DTNB: variants seen among roughly 807,000 people sequenced by gnomAD.
DTNB encodes DTN-B.
Under a neutral mutation model 90.7 loss-of-function variants are expected in DTNB, and 63 were observed. The observed-to-expected ratio is 0.69, with a 90% CI of 0.57 to 0.86. DTNB has a LOEUF of 0.86. Among genes scored for constraint, DTNB ranks in the 40% least tolerant of loss-of-function variants. DTNB has a pLI of 0.00. For missense variants in DTNB, 744 were observed against 807.1 expected, an observed-to-expected ratio of 0.92 and a Z score of 0.95; for synonymous variants, 277 against 286.7, an observed-to-expected ratio of 0.97 and a Z score of 0.34.
chr2:25,522,098 A>G (rs2076242460), intron 9 of DTNB, among the ~76,000 whole-genome samples: 1 of 152,274 alleles, frequency 6.6e-6, no homozygotes, highest in Non-Finnish European at 1.5e-5. Flanking sequence ...ATCCAGAGGT[A>G]GACGTGGTAT....
intron 9 of DTNB, among the ~76,000 whole-genome samples, chr2:25,511,622 G>A (rs558345521): frequency 1.2e-4 from 18 of 152,282 alleles, no homozygotes; most frequent in East Asian, 5.8e-4. Context: ...GTGAGCCACC[G>A]CGCCCAATCG....
At chr2:25,545,779 G>A (rs2082289792) in intron 8 of DTNB, among the ~76,000 whole-genome samples, 1 of 152,134 alleles carries the variant, frequency 6.6e-6, no homozygotes, top group Non-Finnish European at 1.5e-5. Flanking sequence ...GTGCCACCAT[G>A]CCTGGCTAAT....
intron 12 of DTNB, among the ~76,000 whole-genome samples, chr2:25,447,499 C>CTTTTTTTTTTTTTTTTTTTTTTTTTTTTT (rs34508984): frequency 8.6e-6 from 1 of 116,028 alleles, no homozygotes; most frequent in Non-Finnish European, 1.8e-5. Context: ...AGCTAGTTAT[C>CTTTTTTTTTTTTTTTTTTTTTTTTTTTTT]TTTTTTTTTT....
intron 8 of DTNB, among the ~76,000 whole-genome samples, chr2:25,565,696 AGTCTGTTAACAAG>A (rs777455687): frequency 2.6e-4 from 40 of 151,874 alleles, no homozygotes; most frequent in Non-Finnish European, 5.0e-4. Context: ...TTCATCCTTT[AGTCTGTTAACAAG>A]GTATATTATA....
chr2:25,508,112 T>C (rs2072946572), intron 9 of DTNB, among the ~76,000 whole-genome samples: 1 of 152,190 alleles, frequency 6.6e-6, no homozygotes, highest in Non-Finnish European at 1.5e-5. Context: ...TAGCACTTAT[T>C]ACCTTCTAAT....
At chr2:25,404,957 CAA>C (rs1047182400) in intron 16 of DTNB, among the ~76,000 whole-genome samples, 5 of 152,076 alleles carry the variant, frequency 3.3e-5, no homozygotes, top group African/African-American at 1.2e-4. Context: ...TTTTTTGAGA[CAA>C]GAGTTTTGCT....
At chr2:25,633,548 C>G (rs1366770471) in intron 3 of DTNB, among the ~76,000 whole-genome samples, 1 of 152,080 alleles carries the variant, frequency 6.6e-6, no homozygotes, top group Non-Finnish European at 1.5e-5. Flanking sequence ...CCTTGGCCCC[C>G]CAAAGTGCCA....
At chr2:25,530,945 T>A (rs1363381422) in intron 9 of DTNB, among the ~76,000 whole-genome samples, 3 of 152,248 alleles carry the variant, frequency 2.0e-5, no homozygotes, top group African/African-American at 7.2e-5. Context: ...ATTGTTCTCC[T>A]CTAGCTTTGC....
chr2:25,398,030 A>G (rs544899811), intron 16 of DTNB, among the ~76,000 whole-genome samples: 1 of 152,336 alleles, frequency 6.6e-6, no homozygotes, highest in African/African-American at 2.4e-5. Flanking sequence ...TGAGGACCGC[A>G]CATCAGAGTC....
At chr2:25,578,360 T>C (rs2061031832) in intron 7 of DTNB, among the ~76,000 whole-genome samples, 1 of 152,236 alleles carries the variant, frequency 6.6e-6, no homozygotes, top group African/African-American at 2.4e-5. Flanking sequence ...AAATTAACTA[T>C]ACAACCTAGT....
intron 9 of DTNB, among the ~76,000 whole-genome samples, chr2:25,493,126 T>C (rs760484674): frequency 2.0e-5 from 3 of 152,216 alleles, no homozygotes; most frequent in East Asian, 1.9e-4. Flanking sequence ...AGCCATGCAT[T>C]TGGGAATCTT....
intron 9 of DTNB, among the ~76,000 whole-genome samples, chr2:25,504,453 A>G (rs551055028): frequency 1.8e-4 from 27 of 149,632 alleles, no homozygotes; most frequent in African/African-American, 6.4e-4. Context: ...AGAAGGAAAG[A>G]AAGGAAGGAA....
chr2:25,390,829 C>A (rs1326247790), intron 16 of DTNB, among the ~76,000 whole-genome samples: 1 of 151,376 alleles, frequency 6.6e-6, no homozygotes, highest in East Asian at 1.9e-4. Flanking sequence ...AACATAGGAG[C>A]TGAAATTATA....
At chr2:25,548,055 T>C (rs2082811391) in intron 8 of DTNB, among the ~76,000 whole-genome samples, 1 of 152,210 alleles carries the variant, frequency 6.6e-6, no homozygotes, top group South Asian at 2.1e-4. Flanking sequence ...AATTAGTCAA[T>C]AAATTAGACC....
At chr2:25,433,293 C>T (rs552849796) in intron 13 of DTNB, among the ~76,000 whole-genome samples, 1 of 152,328 alleles carries the variant, frequency 6.6e-6, no homozygotes, top group East Asian at 1.9e-4. Flanking sequence ...CTCCGTTCCA[C>T]TCAGGCAGGA....
At chr2:25,578,822 C>T (rs370290530) in intron 7 of DTNB, among the ~76,000 whole-genome samples, 177 of 151,948 alleles carry the variant, frequency 1.2e-3, no homozygotes, top group African/African-American at 3.8e-3. Context: ...TCTCCTTATG[C>T]ATAGTAATGT....
intron 1 of DTNB, among the ~76,000 whole-genome samples, chr2:25,665,569 T>G (rs1009982133): frequency 6.6e-6 from 1 of 151,666 alleles, no homozygotes; most frequent in Non-Finnish European, 1.5e-5. Flanking sequence ...GAGGTTACAA[T>G]GAGCTGAGAT....
intron 3 of DTNB, among the ~76,000 whole-genome samples, chr2:25,631,526 T>C (rs1195135792): frequency 1.3e-5 from 2 of 151,626 alleles, no homozygotes; most frequent in Admixed American, 6.6e-5. Flanking sequence ...TTAGCTATGA[T>C]TGTGTCACTG....
At chr2:25,585,864 T>C (rs1272704696) in intron 6 of DTNB, among the ~76,000 whole-genome samples, 1 of 152,220 alleles carries the variant, frequency 6.6e-6, no homozygotes, top group African/African-American at 2.4e-5. Flanking sequence ...TACAGAGTTG[T>C]TGTAACTGAA....
Sources: allele counts gnomAD v4.1 joint callset (sites outside exome capture counted in the v4.1 genomes callset), GRCh38; gene constraint gnomAD v4.1.1; transcripts MANE v1.5; gene names NCBI Gene and HGNC (gene_info 2026-07-23, HGNC 2026-07-21).